PTPRK: variants seen among roughly 807,000 people sequenced by gnomAD.
PTPRK encodes the protein protein tyrosine phosphatase receptor type K.
PTPRK carries 75 observed loss-of-function variants against 178.0 expected under a neutral mutation model. The ratio of observed to expected loss-of-function variants is 0.42; its 90% CI spans 0.35 to 0.51. The LOEUF is 0.51. Among genes scored for constraint, PTPRK ranks in the 20% least tolerant of loss-of-function variants. The pLI is 0.02. For synonymous variants in PTPRK, 637 were observed against 620.6 expected (o/e 1.03, Z -0.39); for missense variants, 1,441 against 1,797.8 (o/e 0.80, Z 3.59).
chr6:128,299,534 A>G (rs1299992634), intron 3 of PTPRK, among the ~76,000 whole-genome samples: 3 of 151,254 alleles, frequency 2.0e-5, no homozygotes, highest in Non-Finnish European at 4.4e-5. Flanking sequence ...ATATAGATCA[A>G]TGGAACAGAA....
At chr6:128,321,969 A>G (rs770727834) in intron 3 of PTPRK, 70 bp downstream of exon 3, 1 of 1,593,154 alleles carries the variant, frequency 6.3e-7, no homozygotes, top group Non-Finnish European at 8.6e-7. Context: ...GCATATTTAC[A>G]TCTATGTATT....
intron 2 of PTPRK, among the ~76,000 whole-genome samples, chr6:128,350,126 G>A (rs1397849675): frequency 6.6e-6 from 1 of 152,006 alleles, no homozygotes; most frequent in South Asian, 2.1e-4. Flanking sequence ...TGGCAGAAGG[G>A]GAGAAATAAA....
At chr6:128,043,656 G>A (rs188444791) in intron 13 of PTPRK, among the ~76,000 whole-genome samples, 41 of 151,362 alleles carry the variant, frequency 2.7e-4, no homozygotes, top group Middle Eastern at 6.9e-3. Flanking sequence ...AAAAAAAAGA[G>A]AAAGATAGAT....
At chr6:128,065,350 A>C (rs974763342) in intron 12 of PTPRK, among the ~76,000 whole-genome samples, 3 of 152,218 alleles carry the variant, frequency 2.0e-5, no homozygotes, top group African/African-American at 7.2e-5. Flanking sequence ...CTCAGCATAC[A>C]TAATTTTCCT....
At chr6:128,493,844 A>C (rs9491967) in intron 1 of PTPRK, among the ~76,000 whole-genome samples, 8,462 of 152,096 alleles carry the variant, frequency 0.056, 683 homozygotes, top group African/African-American at 0.18. Context: ...GCTTTATCCA[A>C]CTTCTCCAGA....
intron 1 of PTPRK, among the ~76,000 whole-genome samples, chr6:128,464,014 G>A (rs181834250): frequency 2.6e-5 from 4 of 151,612 alleles, no homozygotes; most frequent in East Asian, 1.9e-4. Flanking sequence ...CTCAGCATCC[G>A]AAAATGCTAG....
rs1299155108 is a variant in PTPRK, at chr6:128,519,549, C to T, written c.100+710G>A. Among the ~76,000 whole-genome samples the T allele has an allele frequency of 6.6e-6, 1 of 152,196 alleles. No individual in the cohort carries two copies. The highest frequency in any genetic ancestry group is 6.5e-5 in the Admixed American group (1 of 15,284). ...TGCCCGAGGAGCGGGCTCCCACGCGCGAGTCAGGCTTCCTCCACCAGGCGC... is the reference window on the plus strand; with the variant it reads ...TGCCCGAGGAGCGGGCTCCCACGCGTGAGTCAGGCTTCCTCCACCAGGCGC... On this transcript the variant is annotated intron_variant, in intron 1 of 29. Coordinates refer to ENST00000368226, the MANE Select transcript of PTPRK (RefSeq NM_002844.4). This position sits in a 1 kb window ranked among gnomAD's most constrained non-coding sequence, Gnocchi z 4.3.
chr6:127,982,187 AG>A (rs1205120208), intron 24 of PTPRK, among the ~76,000 whole-genome samples: 1 of 152,218 alleles, frequency 6.6e-6, no homozygotes, highest in African/African-American at 2.4e-5. Context: ...TGAGTGACCC[AG>A]GTCAAAATCT....
intron 11 of PTPRK, among the ~76,000 whole-genome samples, chr6:128,071,109 T>C (rs1782743021): frequency 7.8e-6 from 1 of 128,854 alleles, no homozygotes; most frequent in Non-Finnish European, 1.8e-5. Context: ...GCTCTGAGGA[T>C]AGAGAGGTTA....
intron 3 of PTPRK, among the ~76,000 whole-genome samples, chr6:128,318,081 T>G (rs1311764597): frequency 6.6e-6 from 1 of 152,128 alleles, no homozygotes; most frequent in Non-Finnish European, 1.5e-5. Context: ...CTTTCTAAAG[T>G]GGGTCTCTAT....
chr6:128,321,353 C>CT (rs949709950), intron 3 of PTPRK: 4 of 159,736 alleles, frequency 2.5e-5, no homozygotes, highest in South Asian at 1.9e-4. Context: ...GTAAATGAAC[C>CT]TTTTTTTTGT....
intron 1 of PTPRK, among the ~76,000 whole-genome samples, chr6:128,450,487 T>A (rs1847647964): frequency 6.6e-6 from 1 of 152,200 alleles, no homozygotes; most frequent in Admixed American, 6.5e-5. Flanking sequence ...TATCGTACAC[T>A]ATAACCTCCC....
intron 2 of PTPRK, among the ~76,000 whole-genome samples, chr6:128,370,423 T>A (rs1836110489): frequency 6.6e-6 from 1 of 152,114 alleles, no homozygotes; most frequent in African/African-American, 2.4e-5. Context: ...ATATACATTT[T>A]TTCATTTCCT....
At chr6:128,164,567 G>A (rs1198766094) in intron 7 of PTPRK, among the ~76,000 whole-genome samples, 1 of 151,198 alleles carries the variant, frequency 6.6e-6, no homozygotes, top group Non-Finnish European at 1.5e-5. Flanking sequence ...AGTAATACAA[G>A]ATCAATATCT....
At chr6:128,023,821 T>C (rs137979563) in intron 13 of PTPRK, among the ~76,000 whole-genome samples, 2 of 149,420 alleles carry the variant, frequency 1.3e-5, no homozygotes, top group Non-Finnish European at 2.9e-5. Context: ...GCCTGGCTAA[T>C]GTTTTCTTTC....
chr6:128,299,873 G>C (rs1825257698), intron 3 of PTPRK, among the ~76,000 whole-genome samples: 1 of 152,034 alleles, frequency 6.6e-6, no homozygotes, highest in Admixed American at 6.6e-5. Flanking sequence ...TTGACAAATG[G>C]GATCTAATTA....
chr6:128,022,730 A>C (rs1773718041), intron 13 of PTPRK, among the ~76,000 whole-genome samples: 1 of 152,202 alleles, frequency 6.6e-6, no homozygotes, highest in South Asian at 2.1e-4. Flanking sequence ...GATCCAAGTT[A>C]TTCCTCTTCC....
intron 6 of PTPRK, among the ~76,000 whole-genome samples, chr6:128,205,640 G>C (rs1396036983): frequency 6.6e-6 from 1 of 151,352 alleles, no homozygotes; most frequent in East Asian, 1.9e-4. Flanking sequence ...GAGTGGTGGG[G>C]GGCACCTGTA....
intron 2 of PTPRK, among the ~76,000 whole-genome samples, chr6:128,376,283 C>T (rs1384988307): frequency 6.6e-6 from 1 of 152,178 alleles, no homozygotes; most frequent in Admixed American, 6.5e-5. Context: ...TGAAATCTAA[C>T]TGGAGGTTCC....
Sources: gnomAD v4.1 joint callset for allele counts (sites outside exome capture counted in the v4.1 genomes callset) on GRCh38, gnomAD v4.1.1 for gene constraint, Gnocchi (gnomAD v3.1) non-coding constraint, MANE v1.5 for transcripts, NCBI Gene and HGNC (gene_info 2026-07-23, HGNC 2026-07-21) for gene names.